The following SEC23IP variants were observed in gnomAD, a reference collection of about 807,000 sequenced individuals.
SEC23IP encodes the protein SEC23-interacting protein.
SEC23IP carries 70 observed loss-of-function variants against 113.4 expected under a neutral mutation model. The observed-to-expected ratio is 0.62, with a 90% CI of 0.51 to 0.75. The LOEUF is 0.75. Among genes scored for constraint, SEC23IP ranks in the 30% least tolerant of loss-of-function variants. The pLI, the probability that SEC23IP is intolerant of heterozygous loss-of-function variation, is 0.00. For synonymous variants in SEC23IP, 398 were observed against 421.0 expected (o/e 0.95, Z 0.67); for missense variants, 1,160 against 1,204.9 (o/e 0.96, Z 0.55).
chr10:119,921,168 C>T (rs1855239904), intron 12 of SEC23IP, among the ~76,000 whole-genome samples, 184 bp downstream of exon 12: 1 of 152,160 alleles, frequency 6.6e-6, no homozygotes, highest in African/African-American at 2.4e-5. Context: ...CCACATTAGG[C>T]TAAGTGACCA....
chr10:119,898,017 A>ATT (rs1854336427), intron 1 of SEC23IP, among the ~76,000 whole-genome samples: 11 of 144,014 alleles, frequency 7.6e-5, no homozygotes, highest in Admixed American at 4.1e-4. Context: ...AAAAAAATAA[A>ATT]AAAAAAAAAA....
In SEC23IP at chr10:119,941,026, A is replaced by G. The variant is rs532160177; in HGVS notation, c.*461A>G. ...GAACTTGTTGAGAAACTATAGTAAT[A>G]TGATTTTTAAGAGATTTATGTTCTA... On this transcript the variant is annotated 3_prime_UTR_variant, in exon 19 of 19. Coordinates refer to ENST00000369075, the MANE Select transcript of SEC23IP (RefSeq NM_007190.4). 3.3e-5 allele frequency: 5 copies of G among 152,332 alleles called. No individual in the cohort carries two copies. The highest frequency in any genetic ancestry group is 9.6e-5 in the African/African-American group (4 of 41,586). The allele number at this position is 152,332 out of a possible 1,614,324, so 9.4% of individuals were successfully genotyped here.
chr10:119,910,282 A>C (rs184255737), intron 5 of SEC23IP, among the ~76,000 whole-genome samples: 46 of 151,858 alleles, frequency 3.0e-4, no homozygotes, highest in African/African-American at 1.1e-3. Flanking sequence ...CGTCTCTATG[A>C]GTTTATCTTG....
intron 1 of SEC23IP, chr10:119,898,220 T>C (rs2134451223): frequency 5.5e-6 from 5 of 912,884 alleles, no homozygotes; most frequent in Non-Finnish European, 6.0e-6. Context: ...TTTCCTCTTA[T>C]GTTTTCTTAT....
At chr10:119,923,418 G>A (rs1208997959) in intron 12 of SEC23IP, among the ~76,000 whole-genome samples, 2 of 151,826 alleles carry the variant, frequency 1.3e-5, no homozygotes, top group African/African-American at 4.8e-5. Flanking sequence ...TTTATAACAA[G>A]GAGATCAAAT....
In SEC23IP at chr10:119,942,001, T is replaced by G. The variant is rs1392912847; in HGVS notation, c.*1436T>G. ...GATCTGGGATGGAATATGGTTTTCT[T>G]GATTCCCTTTCAGCCTTCATTTCTC... On this transcript the variant is annotated 3_prime_UTR_variant, in exon 19 of 19. Transcript: ENST00000369075. 1 of 152,226 alleles carries G rather than the reference T, an allele frequency of 6.6e-6. No homozygotes were observed. The highest frequency in any genetic ancestry group is 1.5e-5 in the Non-Finnish European group (1 of 68,042). The allele number at this position is 152,226 out of a possible 1,614,324, so 9.4% of individuals were successfully genotyped here.
At chr10:119,895,304 A>C (rs1439912230) in intron 1 of SEC23IP, among the ~76,000 whole-genome samples, 1 of 152,206 alleles carries the variant, frequency 6.6e-6, no homozygotes, top group East Asian at 1.9e-4. Flanking sequence ...GAATCGCTTG[A>C]GGAGGAGGTT....
At chr10:119,921,289 C>A (rs1051818762) in intron 12 of SEC23IP, among the ~76,000 whole-genome samples, 1 of 152,202 alleles carries the variant, frequency 6.6e-6, no homozygotes, top group Non-Finnish European at 1.5e-5. Context: ...AATAAATTCT[C>A]AGCTCAACTG....
chr10:119,910,840 C>G (rs1312758637), intron 5 of SEC23IP, among the ~76,000 whole-genome samples: 1 of 151,506 alleles, frequency 6.6e-6, no homozygotes, highest in Non-Finnish European at 1.5e-5. Context: ...CGCCACCTTG[C>G]CTGGCCAGTT....
intron 3 of SEC23IP, 95 bp from the exon 4 acceptor site, chr10:119,903,989 G>A (rs1388920486): frequency 7.5e-7 from 1 of 1,338,260 alleles, no homozygotes; most frequent in Non-Finnish European, 1.0e-6. Context: ...CAGGGTGCTG[G>A]GATTACAGGC....
chr10:119,929,425 A>G (rs538688426), intron 13 of SEC23IP, among the ~76,000 whole-genome samples, 182 bp from the exon 14 acceptor site: 33 of 152,140 alleles, frequency 2.2e-4, no homozygotes, highest in East Asian at 9.7e-4. Flanking sequence ...TAGTAGAGAC[A>G]GGGTTTCACT....
chr10:119,934,181 C>T (rs1013507340), intron 18 of SEC23IP, among the ~76,000 whole-genome samples: 18 of 152,288 alleles, frequency 1.2e-4, no homozygotes, highest in African/African-American at 4.3e-4. Context: ...AGAGTGCTTG[C>T]CTCTTCCCAC....
In SEC23IP at chr10:119,894,115, T is replaced by G. The variant is rs144466920; in HGVS notation, c.163+1170T>G. Among the ~76,000 whole-genome samples the G allele has an allele frequency of 8.7e-3, 1,324 of 152,328 alleles. 18 individuals carry two copies. Among genetic ancestry groups the G allele is most frequent in the African/African-American group, 0.03 (1,263 of 41,562 alleles). ...TCACAGAATTGTAATTAGAAATGCT[T>G]TAATTTTTGCAAAGCGCTAAGTATA... is the stretch of plus-strand genomic sequence containing the variant. On this transcript the variant is annotated intron_variant, in intron 1 of 18. Transcript: ENST00000369075.
Position 119,892,753 on chromosome 10 carries a change from G to C in SEC23IP, c.-30G>C. Reference sequence around the variant, plus strand: ...TCAGTGGTGTGGTACCGGGTACCCGGAGACGTGTATCGGACGGTGGGCCGC... The same window carrying C: ...TCAGTGGTGTGGTACCGGGTACCCGCAGACGTGTATCGGACGGTGGGCCGC... On this transcript the variant is annotated 5_prime_UTR_variant, in exon 1 of 19. Coordinates refer to ENST00000369075, the MANE Select transcript of SEC23IP (RefSeq NM_007190.4). 1.9e-6 allele frequency: 3 copies of C among 1,583,812 alleles called. No individual in the cohort carries two copies. Among genetic ancestry groups the C allele is most frequent in the Non-Finnish European group, 1.7e-6 (2 of 1,163,820 alleles).
chr10:119,894,462 A>G (rs184259623), intron 1 of SEC23IP, among the ~76,000 whole-genome samples: 2 of 152,338 alleles, frequency 1.3e-5, no homozygotes, highest in East Asian at 3.9e-4. Context: ...TGTTTATTCC[A>G]CTGCACTAGG....
chr10:119,895,639 G>C (rs1045948110), intron 1 of SEC23IP, among the ~76,000 whole-genome samples: 5 of 152,212 alleles, frequency 3.3e-5, no homozygotes, highest in African/African-American at 1.2e-4. Flanking sequence ...GGGCCTCTTA[G>C]GGGAGGTGAT....
intron 4 of SEC23IP, 33 bp downstream of exon 4, chr10:119,904,310 T>TA (rs1224014028): frequency 1.3e-6 from 2 of 1,591,400 alleles, no homozygotes; most frequent in Admixed American, 1.7e-5. Flanking sequence ...TGAGTTTCTT[T>TA]AAAAAATGTA....
chr10:119,922,769 A>G (rs1186139253), intron 12 of SEC23IP, among the ~76,000 whole-genome samples: 4 of 152,164 alleles, frequency 2.6e-5, no homozygotes, highest in African/African-American at 9.6e-5. Context: ...CTTTCATGTC[A>G]TTTTTCTTGT....
intron 2 of SEC23IP, among the ~76,000 whole-genome samples, chr10:119,900,408 C>G (rs1854440595): frequency 6.6e-6 from 1 of 151,634 alleles, no homozygotes; most frequent in African/African-American, 2.4e-5. Flanking sequence ...TTCTCAGGTT[C>G]AAGTGATCCC....
Sources: allele counts gnomAD v4.1 joint callset (sites outside exome capture counted in the v4.1 genomes callset), GRCh38; gene constraint gnomAD v4.1.1; transcripts MANE v1.5; gene names NCBI Gene and HGNC (gene_info 2026-07-23, HGNC 2026-07-21).